The following CCDC97 variants were observed in gnomAD, a reference collection of about 807,000 sequenced individuals.
CCDC97 encodes the protein coiled-coil domain-containing protein 97.
CCDC97 carries 27 observed loss-of-function variants against 33.9 expected under a neutral mutation model. The observed-to-expected ratio is 0.80, with a 90% CI of 0.59 to 1.10. The LOEUF (loss-of-function observed/expected upper bound fraction) is 1.10, where lower values mean the gene tolerates loss of function less well. Ranked by LOEUF, CCDC97 falls within the 50% of genes least tolerant of loss-of-function variation. The probability of loss-of-function intolerance (pLI) is 0.00; values close to 1 mark genes in which losing one functional copy is unlikely to be tolerated. For synonymous variants in CCDC97, 217 were observed against 194.0 expected (o/e 1.12, Z -0.99); for missense variants, 422 against 476.6 (o/e 0.89, Z 1.07).
Position 41,316,836 on chromosome 19 carries a change from C to T in CCDC97, c.499C>T (p.Gln167Ter). ...RRYAALRELI[Q>*]GGEYFSDEQM... ...CTATGCTGCCCTGCGAGAGCTGATCCAAGGTGTGGGGGCCAGATGGGCGAC... is the reference window on the plus strand; with the variant it reads ...CTATGCTGCCCTGCGAGAGCTGATCTAAGGTGTGGGGGCCAGATGGGCGAC... The change falls in exon 2 of 5, where the codon CAA becomes TAA. Residue 167 changes from glutamine to a stop codon, truncating the protein, a stop_gained. Coordinates refer to ENST00000269967, the MANE Select transcript of CCDC97 (RefSeq NM_052848.3). LOFTEE classifies it high-confidence loss of function. The T allele has an allele frequency of 6.3e-7, 1 of 1,581,150 alleles. No homozygotes were observed. The highest frequency in any genetic ancestry group is 1.7e-5 in the Admixed American group (1 of 57,922).
chr19:41,316,320 G>A, intron 1 of CCDC97, 64 bp from the exon 2 acceptor site: 1 of 1,312,378 alleles, frequency 7.6e-7, no homozygotes, highest in Admixed American at 2.0e-5. Context: ...CTGAGTGAGT[G>A]ACTAAGCCCC....
intron 1 of CCDC97, among the ~76,000 whole-genome samples, chr19:41,312,989 C>G (rs1229414893): frequency 6.6e-6 from 1 of 152,142 alleles, no homozygotes; most frequent in African/African-American, 2.4e-5. Context: ...CCAAGCTGGT[C>G]TTGAGCTCCT....
chr19:41,310,324 C>G lies in CCDC97; in HGVS notation c.14C>G (p.Ala5Gly). The change falls in exon 1 of 5, where the codon GCG becomes GGG. Residue 5 changes from alanine to glycine, a missense_variant. Transcript: ENST00000269967. MEAV[A>G]TATAAKEPDK... ...GAGAGAATCAGGATGGAGGCCGTGG[C>G]GACGGCGACGGCGGCGAAGGAACCC... The G allele has an allele frequency of 6.2e-7, 1 of 1,605,230 alleles. No homozygotes were observed. Among genetic ancestry groups the G allele is most frequent in the South Asian group, 1.1e-5 (1 of 89,366 alleles).
At chr19:41,320,923 A>G (rs988432847) in intron 4 of CCDC97, among the ~76,000 whole-genome samples, 3 of 152,204 alleles carry the variant, frequency 2.0e-5, no homozygotes, top group Non-Finnish European at 4.4e-5. Context: ...TCATTTCTCC[A>G]GTAGCACCCC....
Position 41,320,371 on chromosome 19 carries a change from G to A in CCDC97, c.812G>A (p.Trp271Ter). The A allele has an allele frequency of 6.2e-7, 1 of 1,614,110 alleles. No homozygotes were observed. The highest frequency in any genetic ancestry group is 1.7e-5 in the Admixed American group (1 of 60,016). The change falls in exon 4 of 5, where the codon TGG becomes TAG. Residue 271 changes from tryptophan (W) to a stop codon, truncating the protein, a stop_gained. Coordinates refer to ENST00000269967, the MANE Select transcript of CCDC97 (RefSeq NM_052848.3). LOFTEE classifies it high-confidence loss of function. ...AGGTCAGGCAAGGACTCGGAGGCCTGGGTTCCCGACTCGGAGGAGAGGCTG... is the reference window on the plus strand; with the variant it reads ...AGGTCAGGCAAGGACTCGGAGGCCTAGGTTCCCGACTCGGAGGAGAGGCTG... ...DQRSGKDSEA[W>*]VPDSEERLIL...
chr19:41,320,714 C>T (rs1246871819), intron 4 of CCDC97: 1 of 472,964 alleles, frequency 2.1e-6, no homozygotes, highest in Non-Finnish European at 3.9e-6. Context: ...TGACATATAG[C>T]TCAGTATCAA....
At chr19:41,322,537 C>T (rs1405043719) in intron 4 of CCDC97, 58 bp from the exon 5 acceptor site, 46 of 1,580,832 alleles carry the variant, frequency 2.9e-5, no homozygotes, top group Non-Finnish European at 3.9e-5. Flanking sequence ...AGGCCTTTGA[C>T]CTGGGCATCC....
intron 1 of CCDC97, 62 bp from the exon 2 acceptor site, chr19:41,316,322 C>T: frequency 7.5e-7 from 1 of 1,336,762 alleles, no homozygotes. Flanking sequence ...GAGTGAGTGA[C>T]TAAGCCCCCA....
chr19:41,319,889 C>G lies in CCDC97; in HGVS notation c.781+37C>G, dbSNP rs546502945. 156 of 996,738 alleles carry G rather than the reference C, an allele frequency of 1.6e-4. 1 individual carries two copies. In the South Asian group the frequency reaches 2.2e-3, roughly 14 times the overall value. 61.7% of individuals were successfully genotyped at this position (996,738 alleles called of 1,614,324 possible). A position where few individuals can be genotyped will look rare whatever the true frequency, so the allele number is the denominator to read the frequency against. ...TAGCAGGAAGACCCCAGATTCCAGA[C>G]ACCCCAGCCCTAGGCCTGTCTGTCT... On this transcript the variant is annotated intron_variant, in intron 3 of 4. Transcript: ENST00000269967.
intron 1 of CCDC97, among the ~76,000 whole-genome samples, chr19:41,314,343 A>C (rs1398265823): frequency 1.3e-5 from 2 of 151,616 alleles, no homozygotes; most frequent in Non-Finnish European, 2.9e-5. Context: ...GGTTTCTCCC[A>C]GTTGGTCAGG....
In CCDC97 at chr19:41,316,844, G is replaced by C. The variant is rs201790638; in HGVS notation, c.502+5G>C. The C allele has an allele frequency of 3.2e-6, 5 of 1,576,864 alleles. No homozygotes were observed. Among genetic ancestry groups the C allele is most frequent in the Non-Finnish European group, 8.7e-7 (1 of 1,154,096 alleles). ...CCCTGCGAGAGCTGATCCAAGGTGT[G>C]GGGGCCAGATGGGCGACAGTGGGCA... On this transcript the variant is annotated splice_donor_5th_base_variant and intron_variant, in intron 2 of 4. Transcript: ENST00000269967.
At position 41,310,207 on chromosome 19, in the gene CCDC97, A is replaced by C; in HGVS notation, c.-104A>C. On this transcript the variant is annotated 5_prime_UTR_variant, in exon 1 of 5. Transcript: ENST00000269967. Reference sequence around the variant, plus strand: ...CTTCGGTGCCTGGGCGCAGCGGTGCACCCGGACCCGGAACATTCTCAGGCG... The same window carrying C: ...CTTCGGTGCCTGGGCGCAGCGGTGCCCCCGGACCCGGAACATTCTCAGGCG... 2 of 1,488,382 alleles carry C rather than the reference A, an allele frequency of 1.3e-6. No individual in the cohort carries two copies. Among genetic ancestry groups the C allele is most frequent in the Non-Finnish European group, 1.8e-6 (2 of 1,093,202 alleles). The allele number at this position is 1,488,382 out of a possible 1,614,324, so 92.2% of individuals were successfully genotyped here. A position where few individuals can be genotyped will look rare whatever the true frequency, so the allele number is the denominator to read the frequency against.
rs1197555394 is a variant in CCDC97 at position 41,322,695 on chromosome 19, C to A, written c.1012C>A (p.Pro338Thr). The change falls in exon 5 of 5, where the codon CCA becomes ACA. Residue 338 changes from proline to threonine, a missense_variant. Coordinates refer to ENST00000269967, the MANE Select transcript of CCDC97 (RefSeq NM_052848.3). The stretch of plus-strand genomic sequence containing the variant: ...GGAAGAACCTGAGGATGCGCCCAGC[C>A]CAGAGCTGGATGGGGACTGATGGCC... ...DEEEPEDAPS[P>T]ELDGD 1 of 1,613,690 alleles carries A rather than the reference C, an allele frequency of 6.2e-7. No individual in the cohort carries two copies. The highest frequency in any genetic ancestry group is 1.7e-5 in the Admixed American group (1 of 59,988).
intron 1 of CCDC97, among the ~76,000 whole-genome samples, chr19:41,312,717 G>A (rs978508791): frequency 2.6e-5 from 4 of 152,170 alleles, no homozygotes; most frequent in African/African-American, 7.2e-5. Flanking sequence ...GCCTCTTCCA[G>A]CCAGTGGTGG....
intron 2 of CCDC97, among the ~76,000 whole-genome samples, chr19:41,317,987 G>T (rs2037769949): frequency 1.4e-5 from 2 of 144,458 alleles, no homozygotes; most frequent in East Asian, 2.0e-4. Context: ...GGAGGTGGAG[G>T]TTGCCAAAAA....
At chr19:41,311,944 C>G (rs1159834917) in intron 1 of CCDC97, among the ~76,000 whole-genome samples, 1 of 152,160 alleles carries the variant, frequency 6.6e-6, no homozygotes, top group Non-Finnish European at 1.5e-5. Flanking sequence ...CTGTCTCCTT[C>G]AGAGAGTCAT....
chr19:41,322,746 T>C lies in CCDC97; in HGVS notation c.*31T>C. 1.2e-6 allele frequency: 2 copies of C among 1,605,096 alleles called. No homozygotes were observed. Among genetic ancestry groups the C allele is most frequent in the Non-Finnish European group, 1.7e-6 (2 of 1,175,050 alleles). On this transcript the variant is annotated 3_prime_UTR_variant, in exon 5 of 5. Transcript: ENST00000269967. ...GCCACCCTTCCCACCGCCTGCCCCA[T>C]CCCCATCCCCAACAAGGCAGCTGAT...
rs752646666 is a variant in CCDC97, at chr19:41,319,604, G to A, written c.533G>A (p.Arg178Gln). 1.7e-5 allele frequency: 27 copies of A among 1,610,548 alleles called. 1 individual carries two copies. The highest frequency in any genetic ancestry group is 9.4e-5 in the African/African-American group (7 of 74,866). Reference protein sequence around the residue: ...GGEYFSDEQMRFRAPLLYEQY... With the variant: ...GGEYFSDEQMQFRAPLLYEQY... ...GAGTACTTCAGTGATGAGCAGATGCGGTTCCGGGCCCCCCTGCTATATGAG... is the reference window on the plus strand; with the variant it reads ...GAGTACTTCAGTGATGAGCAGATGCAGTTCCGGGCCCCCCTGCTATATGAG... The change falls in exon 3 of 5, where the codon CGG becomes CAG. Residue 178 changes from arginine (R) to glutamine (Q), a missense_variant. Physicochemically the swap from Arg to Gln is conservative, Grantham distance 43. Transcript: ENST00000269967.
chr19:41,313,161 C>T (rs560057155), intron 1 of CCDC97, among the ~76,000 whole-genome samples: 8 of 152,238 alleles, frequency 5.3e-5, no homozygotes, highest in African/African-American at 1.9e-4. Flanking sequence ...GAGGCATGTC[C>T]TCCCCGCATC....
Sources: gnomAD v4.1 joint callset for allele counts (sites outside exome capture counted in the v4.1 genomes callset) on GRCh38, gnomAD v4.1.1 for gene constraint, MANE v1.5 for transcripts, NCBI Gene and HGNC (gene_info 2026-07-23, HGNC 2026-07-21) for gene names.